Variants in WDR44 observed in about 807,000 individuals in gnomAD.
The protein encoded by WDR44 is WD repeat domain 44, also known as WD repeat-containing protein 44.
Under a neutral mutation model 65.7 loss-of-function variants are expected in WDR44, and 9 were observed. The observed-to-expected ratio is 0.14, with a 90% confidence interval of 0.08 to 0.24. The LOEUF is 0.24. Ranked by LOEUF, WDR44 falls within the 10% of genes least tolerant of loss-of-function variation. The pLI, the probability that WDR44 is intolerant of heterozygous loss-of-function variation, is 1.00. For synonymous variants in WDR44, 220 were observed against 235.2 expected (o/e 0.94, Z 0.59); for missense variants, 425 against 670.9 (o/e 0.63, Z 4.05).
chrX:118,357,525 G>T (rs1218565120), intron 1 of WDR44, among the ~76,000 whole-genome samples: 1 of 111,266 alleles, frequency 9.0e-6, no homozygotes, highest in African/African-American at 3.3e-5. Context: ...TAAAAAGGGG[G>T]GCTCACGACA....
At chrX:118,402,324 A>G in intron 8 of WDR44, among the ~76,000 whole-genome samples, 1 of 105,614 alleles carries the variant, frequency 9.5e-6, no homozygotes, top group East Asian at 3.0e-4. Flanking sequence ...ACTCCTAGCT[A>G]CTCGGGAGGC....
At chrX:118,387,753 T>G (rs772410577) in intron 3 of WDR44, among the ~76,000 whole-genome samples, 27 of 111,629 alleles carry the variant, frequency 2.4e-4, no homozygotes, top group Admixed American at 7.7e-4. Flanking sequence ...TCTGATGTCT[T>G]TAGGAATCAG....
Position 118,441,558 on chromosome X carries a change from A to G in WDR44, c.2165A>G (p.Glu722Gly). The G allele has an allele frequency of 8.4e-7, 1 of 1,189,889 alleles. No individual in the cohort carries two copies. The highest frequency in any genetic ancestry group is 1.1e-6 in the Non-Finnish European group (1 of 880,765). Reference protein sequence around the residue: ...YDGRCIFYDTEHLKYHTQIHV... With the variant: ...YDGRCIFYDTGHLKYHTQIHV... ...GGCAGATGTATTTTCTATGATACAGAGGTAAATGATTGTTTTTTGTAAATT... is the reference window on the plus strand; with the variant it reads ...GGCAGATGTATTTTCTATGATACAGGGGTAAATGATTGTTTTTTGTAAATT... The change falls in exon 15 of 20, where the codon GAG becomes GGG. Residue 722 changes from glutamate (E) to glycine (G), a missense_variant and splice_region_variant. By Grantham distance (98) the Glu-to-Gly change is moderately conservative (BLOSUM62 -2). Around this residue, in one of 5 missense-constraint regions of WDR44, gnomAD observed 73 missense variants for 187.4 expected, o/e 0.39. Transcript: ENST00000254029.
At chrX:118,390,361 A>C (rs1318552234) in intron 3 of WDR44, among the ~76,000 whole-genome samples, 3 of 111,632 alleles carry the variant, frequency 2.7e-5, no homozygotes, top group Non-Finnish European at 3.8e-5. Context: ...CACCATAAGA[A>C]GGTGTCATGA....
At chrX:118,390,549 G>A (rs909268766) in intron 3 of WDR44, among the ~76,000 whole-genome samples, 4 of 111,452 alleles carry the variant, frequency 3.6e-5, no homozygotes, top group African/African-American at 1.3e-4. Context: ...TATCAGATAA[G>A]GGATTGGGGA....
At chrX:118,363,158 G>A (rs1211843895) in intron 1 of WDR44, among the ~76,000 whole-genome samples, 1 of 109,039 alleles carries the variant, frequency 9.2e-6, no homozygotes. Flanking sequence ...CACTTTGGGA[G>A]GCAGAGAGGC....
At chrX:118,387,637 A>C (rs761488136) in intron 3 of WDR44, among the ~76,000 whole-genome samples, 1 of 111,943 alleles carries the variant, frequency 8.9e-6, no homozygotes, top group Admixed American at 9.5e-5. Context: ...ATATTTTGTA[A>C]AATGCTTTTA....
intron 3 of WDR44, among the ~76,000 whole-genome samples, chrX:118,390,246 A>G (rs891430384): frequency 8.2e-5 from 9 of 110,296 alleles, no homozygotes; most frequent in African/African-American, 2.3e-4. Context: ...GCAGCAAACA[A>G]TGCTTTAGCA....
At chrX:118,371,734 A>T (rs777224253) in intron 1 of WDR44, among the ~76,000 whole-genome samples, 113 of 111,320 alleles carry the variant, frequency 1.0e-3, no homozygotes, top group Non-Finnish European at 2.0e-3. Flanking sequence ...GGAAAGAAAA[A>T]ATGAACTTTT....
At chrX:118,416,110 T>C (rs1010670034) in intron 12 of WDR44, among the ~76,000 whole-genome samples, 2 of 112,304 alleles carry the variant, frequency 1.8e-5, no homozygotes, top group Non-Finnish European at 3.8e-5. Context: ...CTATCAATTT[T>C]ATTTATCTTT....
At chrX:118,435,398 C>T (rs1197097162) in intron 13 of WDR44, among the ~76,000 whole-genome samples, 7 of 112,798 alleles carry the variant, frequency 6.2e-5, no homozygotes, top group African/African-American at 2.2e-4. Flanking sequence ...CTGCCTCAGC[C>T]TCCCCGAGTA....
At chrX:118,387,181 CAAAAAAAAAAAAA>C (rs61229618) in intron 2 of WDR44, among the ~76,000 whole-genome samples, 146 bp from the exon 3 acceptor site, 1 of 38,323 alleles carries the variant, frequency 2.6e-5, no homozygotes, top group Admixed American at 3.2e-4. Flanking sequence ...AACTCTGTCT[CAAAAAAAAAAAAA>C]AAAAAAAAAG....
chrX:118,428,215 G>A (rs1299624270), intron 12 of WDR44, among the ~76,000 whole-genome samples: 1 of 109,643 alleles, frequency 9.1e-6, no homozygotes, highest in Non-Finnish European at 1.9e-5. Flanking sequence ...CTGAACCCAG[G>A]AGGCAGAGGT....
intron 12 of WDR44, among the ~76,000 whole-genome samples, chrX:118,414,224 A>G (rs1434833310): frequency 1.6e-5 from 1 of 61,775 alleles, no homozygotes; most frequent in Non-Finnish European, 3.0e-5. Flanking sequence ...TGATGGTGGT[A>G]TTTTGATGGG....
chrX:118,374,463 G>C lies in WDR44; in HGVS notation c.78-3956G>C, dbSNP rs138261055. ...TTTTAGGCTTAATAGACTTGAAATT[G>C]TAGTAGTTTGAAATGTTCCTACCTA... is the stretch of plus-strand genomic sequence containing the variant. On this transcript the variant is annotated intron_variant, in intron 1 of 19. Coordinates refer to ENST00000254029, the MANE Select transcript of WDR44 (RefSeq NM_019045.5). Among the ~76,000 whole-genome samples, 382 of 111,685 alleles carry C rather than the reference G, an allele frequency of 3.4e-3. 1 individual carries two copies. Among genetic ancestry groups the C allele is most frequent in the African/African-American group, 0.012 (369 of 30,755 alleles).
chrX:118,398,448 G>A lies in WDR44; in HGVS notation c.1252G>A (p.Gly418Ser). Residue 418 changes from glycine (G) to serine (S), a missense_variant, in exon 8 of 20, where the codon GGT becomes AGT. By Grantham distance (56) the Gly-to-Ser change is moderately conservative. Transcript: ENST00000254029. Reference protein sequence around the residue: ...KLQSQPTDTDGGRLKQKTTQL... With the variant: ...KLQSQPTDTDSGRLKQKTTQL... The stretch of plus-strand genomic sequence containing the variant: ...ACAGTCTCAGCCAACAGATACTGAT[G>A]GTGGAAGGTTAAAACAGAAAACGTG... 8.3e-7 allele frequency: 1 copy of A among 1,208,643 alleles called. No individual in the cohort carries two copies. Among genetic ancestry groups the A allele is most frequent in the Admixed American group, 2.2e-5 (1 of 45,828 alleles).
chrX:118,394,235 A>G (rs1349191336), intron 5 of WDR44, 50 bp downstream of exon 5: 4 of 1,192,747 alleles, frequency 3.4e-6, no homozygotes, highest in Non-Finnish European at 4.5e-6. Context: ...GCTCCCTGCA[A>G]CTGGCTGGTT....
intron 14 of WDR44, among the ~76,000 whole-genome samples, chrX:118,437,587 TTA>T (rs1279724548): frequency 8.9e-6 from 1 of 112,461 alleles, no homozygotes; most frequent in Non-Finnish European, 1.9e-5. Context: ...GTCCTCATCT[TTA>T]TATGTTTAAC....
At chrX:118,377,165 C>T (rs2056667947) in intron 1 of WDR44, among the ~76,000 whole-genome samples, 2 of 110,578 alleles carry the variant, frequency 1.8e-5, no homozygotes, top group South Asian at 7.6e-4. Flanking sequence ...CAAGACCAGC[C>T]TGGGCAACAT....
Sources: gnomAD v4.1 joint callset for allele counts (sites outside exome capture counted in the v4.1 genomes callset) on GRCh38, gnomAD v4.1.1 for gene constraint, gnomAD v4.1.1 regional missense constraint, MANE v1.5 for transcripts, NCBI Gene and HGNC (gene_info 2026-07-23, HGNC 2026-07-21) for gene names.